Variants in HTR4 observed in about 807,000 individuals in gnomAD.
The protein encoded by HTR4 is 5-hydroxytryptamine (serotonin) receptor 4, G protein-coupled.
HTR4 carries 16 observed loss-of-function variants against 36.8 expected under a neutral mutation model. That is an observed-to-expected ratio of 0.43 (90% CI 0.29 to 0.66). HTR4 has a LOEUF of 0.66. Among genes scored for constraint, HTR4 ranks in the 30% least tolerant of loss-of-function variants. The pLI is 0.13. For missense variants in HTR4, 438 were observed against 490.9 expected (o/e 0.89, Z 1.02); for synonymous variants, 189 against 185.1 (o/e 1.02, Z -0.17).
At chr5:148,621,892 A>G (rs762524859) in intron 2 of HTR4, among the ~76,000 whole-genome samples, 4 of 152,166 alleles carry the variant, frequency 2.6e-5, no homozygotes, top group Non-Finnish European at 5.9e-5. Context: ...TTCAAAGGTC[A>G]TTTCAATACT....
At chr5:148,650,461 C>A (rs1040163686) in intron 1 of HTR4, among the ~76,000 whole-genome samples, 8 of 152,216 alleles carry the variant, frequency 5.3e-5, no homozygotes, top group African/African-American at 1.7e-4. Flanking sequence ...ATTGTATTTC[C>A]CTCTGTGCAA....
intron 5 of HTR4, 118 bp downstream of exon 5, chr5:148,523,075 T>C: frequency 1.0e-6 from 1 of 1,004,356 alleles, no homozygotes; most frequent in Non-Finnish European, 1.4e-6. Context: ...AAAAAAAAAT[T>C]ATCACCCAGA....
chr5:148,578,706 C>T (rs903387587), intron 2 of HTR4, among the ~76,000 whole-genome samples: 1 of 152,058 alleles, frequency 6.6e-6, no homozygotes, highest in Non-Finnish European at 1.5e-5. Flanking sequence ...CTTCGGGTGT[C>T]TTATCTATAA....
chr5:148,653,671 CCA>C (rs1754105111), intron 1 of HTR4, among the ~76,000 whole-genome samples: 2 of 151,970 alleles, frequency 1.3e-5, no homozygotes, highest in African/African-American at 4.8e-5. Context: ...GCCATAGAGT[CCA>C]CACACACATC....
chr5:148,454,246 C>A (rs1337294098), intron 5 of HTR4, among the ~76,000 whole-genome samples: 1 of 152,148 alleles, frequency 6.6e-6, no homozygotes, highest in Non-Finnish European at 1.5e-5. Context: ...CATAGCTTTG[C>A]TCTGTGGATT....
intron 4 of HTR4, among the ~76,000 whole-genome samples, chr5:148,529,293 A>G (rs2113808596): frequency 6.6e-6 from 1 of 152,244 alleles, no homozygotes; most frequent in East Asian, 1.9e-4. Flanking sequence ...TTGGCTGTGT[A>G]CCCACCCAAA....
chr5:148,545,628 G>A lies in HTR4; in HGVS notation c.353+3040C>T, dbSNP rs185212961. Among the ~76,000 whole-genome samples, 900 of 152,336 alleles carry A rather than the reference G, an allele frequency of 5.9e-3. 3 individuals are homozygous for A. Among genetic ancestry groups the A allele is most frequent in the Non-Finnish European group, 9.6e-3 (654 of 68,040 alleles). ...AATCTGAAAGACATGCAGGAGAGGA[G>A]GGGCAGAGGAAGTTTTCAGGCAGAG... On this transcript the variant is annotated intron_variant, in intron 4 of 6. Coordinates refer to ENST00000377888, the MANE Select transcript of HTR4 (RefSeq NM_000870.7).
intron 2 of HTR4, among the ~76,000 whole-genome samples, chr5:148,590,287 C>CTTTTTTTTTTTTTTTTTTTTTTT (rs779077579): frequency 3.0e-5 from 1 of 33,322 alleles, no homozygotes; most frequent in Non-Finnish European, 5.3e-5. Context: ...TTTTTCTTTT[C>CTTTTTTTTTTTTTTTTTTTTTTT]TTTTTTTTTT....
chr5:148,548,258 G>T (rs777041177), intron 4 of HTR4, among the ~76,000 whole-genome samples: 12 of 152,098 alleles, frequency 7.9e-5, no homozygotes, highest in Non-Finnish European at 1.2e-4. Context: ...TCAAGAAAAG[G>T]TTATGTTCAA....
chr5:148,524,986 C>A (rs1758196262), intron 4 of HTR4, among the ~76,000 whole-genome samples: 1 of 152,126 alleles, frequency 6.6e-6, no homozygotes, highest in South Asian at 2.1e-4. Flanking sequence ...TGAGGAGCAG[C>A]TGACGACATT....
intron 2 of HTR4, among the ~76,000 whole-genome samples, chr5:148,627,057 T>G (rs774491103): frequency 3.9e-5 from 6 of 152,248 alleles, no homozygotes; most frequent in East Asian, 1.9e-4. Context: ...CTTCATAAAT[T>G]TCTCTAGGAT....
chr5:148,601,000 A>AC (rs1761973206), intron 2 of HTR4, among the ~76,000 whole-genome samples: 1 of 149,118 alleles, frequency 6.7e-6, no homozygotes, highest in East Asian at 2.0e-4. Context: ...AAAAAAAAAA[A>AC]AAACAAATAA....
intron 5 of HTR4, among the ~76,000 whole-genome samples, chr5:148,465,524 A>T (rs1198384956): frequency 1.3e-5 from 2 of 152,204 alleles, no homozygotes; most frequent in Non-Finnish European, 2.9e-5. Context: ...CACTGGGGGT[A>T]ATCCAGATGA....
intron 4 of HTR4, among the ~76,000 whole-genome samples, chr5:148,546,606 A>G (rs1759394963): frequency 6.6e-6 from 1 of 152,136 alleles, no homozygotes; most frequent in Admixed American, 6.5e-5. Context: ...CAAACTCTCC[A>G]CAATGGACAG....
At chr5:148,615,852 G>A (rs1269256333) in intron 2 of HTR4, among the ~76,000 whole-genome samples, 4 of 152,080 alleles carry the variant, frequency 2.6e-5, no homozygotes, top group Non-Finnish European at 4.4e-5. Context: ...TTTCTCCAGC[G>A]GGAGCCAAAA....
chr5:148,593,369 A>C (rs891873057), intron 2 of HTR4, among the ~76,000 whole-genome samples: 2 of 152,180 alleles, frequency 1.3e-5, no homozygotes, highest in Non-Finnish European at 1.5e-5. Context: ...ATTCATTACA[A>C]AATGGAACTT....
intron 2 of HTR4, among the ~76,000 whole-genome samples, chr5:148,571,605 T>C (rs887397235): frequency 2.0e-5 from 3 of 151,910 alleles, no homozygotes; most frequent in Non-Finnish European, 4.4e-5. Flanking sequence ...TGATCTGGGG[T>C]GATTGAGAAT....
chr5:148,598,041 T>C (rs182600197), intron 2 of HTR4, among the ~76,000 whole-genome samples: 511 of 152,218 alleles, frequency 3.4e-3, no homozygotes, highest in African/African-American at 0.012. Context: ...TTCCAGAATG[T>C]TGGAGGAAGA....
intron 1 of HTR4, chr5:148,645,458 C>CT (rs995596582): frequency 3.9e-4 from 59 of 151,396 alleles, no homozygotes; most frequent in African/African-American, 9.2e-4. Context: ...ATGTAAACAT[C>CT]TTTTTTTTTG....
Sources: allele counts gnomAD v4.1 joint callset (sites outside exome capture counted in the v4.1 genomes callset), GRCh38; gene constraint gnomAD v4.1.1; transcripts MANE v1.5; gene names NCBI Gene and HGNC (gene_info 2026-07-23, HGNC 2026-07-21).